MYO1B: variants seen among roughly 807,000 people sequenced by gnomAD.
The protein encoded by MYO1B is unconventional myosin-Ib.
A neutral mutation model predicts 159.7 loss-of-function variants in MYO1B; 72 were observed. The observed-to-expected ratio is 0.45, with a 90% CI of 0.37 to 0.55. The LOEUF (loss-of-function observed/expected upper bound fraction) is 0.55. Ranked by LOEUF, MYO1B falls within the 20% of genes least tolerant of loss-of-function variation. The pLI is 0.00. For synonymous variants in MYO1B, 468 were observed against 473.8 expected, an observed-to-expected ratio of 0.99 and a Z score of 0.16; for missense variants, 1,062 against 1,364.8, an observed-to-expected ratio of 0.78 and a Z score of 3.50.
At chr2:191,280,132 T>C (rs1687971476) in intron 2 of MYO1B, among the ~76,000 whole-genome samples, 1 of 152,186 alleles carries the variant, frequency 6.6e-6, no homozygotes, top group South Asian at 2.1e-4. Context: ...GAGTTACGAC[T>C]CTCTAGAACA....
rs1370667292 is a variant in MYO1B, at chr2:191,369,549, A to G, written c.1040A>G (p.Tyr347Cys). The change falls in exon 12 of 31, where the codon TAT becomes TGT. Residue 347 changes from tyrosine to cysteine, a missense_variant. Around this residue, in one of 5 missense-constraint regions of MYO1B, gnomAD observed 415 missense variants for 544.0 expected, o/e 0.76. Transcript: ENST00000392318. ...TTGTTTGTTTTTTAATAGGCTTATT[A>G]TGCCCGTGATGCTCTGGCTAAAAAC... is the stretch of plus-strand genomic sequence containing the variant. ...STTLNVAQAY[Y>C]ARDALAKNLY... The G allele has an allele frequency of 1.2e-6, 2 of 1,613,028 alleles. No individual in the cohort carries two copies. The highest frequency in any genetic ancestry group is 1.7e-6 in the Non-Finnish European group (2 of 1,179,230).
At chr2:191,400,912 A>T (rs1287474225) in intron 23 of MYO1B, 77 bp downstream of exon 23, 1 of 1,341,316 alleles carries the variant, frequency 7.5e-7, no homozygotes, top group Non-Finnish European at 1.0e-6. Flanking sequence ...CTATTAGGGG[A>T]TGAATGACTA....
intron 2 of MYO1B, among the ~76,000 whole-genome samples, chr2:191,286,692 G>A (rs867102549): frequency 1.9e-4 from 29 of 152,276 alleles, no homozygotes; most frequent in African/African-American, 7.0e-4. Flanking sequence ...CAGCACTTTG[G>A]GAGTCTGAGG....
rs781130854 is a variant in MYO1B at position 191,364,195 on chromosome 2, A to G, written c.951A>G (p.Gln317=). The change falls in exon 11 of 31, where the codon CAA becomes CAG. Residue 317 remains glutamine (Q), a synonymous_variant. Transcript: ENST00000392318. ...KEICELTGID[Q]SVLERAFSFR... ...TTTGTGAATTGACCGGCATTGATCA[A>G]TCAGTTCTAGAACGAGCATTCAGTT... is the stretch of plus-strand genomic sequence containing the variant. 3.3e-5 allele frequency: 53 copies of G among 1,613,850 alleles called. No individual in the cohort carries two copies. The highest frequency in any genetic ancestry group is 3.3e-4 in the Middle Eastern group (2 of 6,082).
At chr2:191,328,580 A>G (rs1285874933) in intron 3 of MYO1B, among the ~76,000 whole-genome samples, 1 of 152,252 alleles carries the variant, frequency 6.6e-6, no homozygotes, top group African/African-American at 2.4e-5. Flanking sequence ...CAGTTCTGGT[A>G]CATGGTAAAT....
intron 18 of MYO1B, 33 bp downstream of exon 18, chr2:191,390,525 AT>A (rs769851850): frequency 6.3e-7 from 1 of 1,592,170 alleles, no homozygotes; most frequent in African/African-American, 1.3e-5. Context: ...TTAATAATGA[AT>A]GTTTTAAGTG....
chr2:191,346,090 A>G, intron 5 of MYO1B, 146 bp from the exon 6 acceptor site: 1 of 662,324 alleles, frequency 1.5e-6, no homozygotes, highest in South Asian at 2.0e-5. Flanking sequence ...TGTTAAGTAT[A>G]TTTCTATGGA....
chr2:191,411,607 G>C lies in MYO1B; in HGVS notation c.2873+435G>C, dbSNP rs183525623. Among the ~76,000 whole-genome samples the C allele has an allele frequency of 1.3e-3, 200 of 152,332 alleles. 2 individuals carry two copies. Among genetic ancestry groups the C allele is most frequent in the Non-Finnish European group, 4.1e-4 (28 of 68,030 alleles). The stretch of plus-strand genomic sequence containing the variant: ...AAACTTATTTGTAAGGTAAATGAAA[G>C]AGCGAGCCAGGACAGTACTTTTTGA... On this transcript the variant is annotated intron_variant, in intron 27 of 30. Coordinates refer to ENST00000392318, the MANE Select transcript of MYO1B (RefSeq NM_001130158.3).
chr2:191,276,942 G>C lies in MYO1B; in HGVS notation c.47G>C (p.Gly16Ala). ...VKTSLLDNMI[G>A]VGDMVLLEPL... ...ACCTCACTTCTGGACAATATGATTG[G>C]AGTTGGGGATATGGTTCTTTTAGAA... Residue 16 changes from glycine to alanine, a missense_variant, in exon 2 of 31, where the codon GGA becomes GCA. Physicochemically the swap from Gly to Ala is moderately conservative, Grantham distance 60. Around this residue, in one of 5 missense-constraint regions of MYO1B, gnomAD observed 415 missense variants for 544.0 expected, o/e 0.76. Transcript: ENST00000392318. 1 of 1,614,032 alleles carries C rather than the reference G, an allele frequency of 6.2e-7. No individual in the cohort carries two copies. The highest frequency in any genetic ancestry group is 1.3e-5 in the African/African-American group (1 of 75,028).
At chr2:191,396,346 G>A (rs1696068930) in intron 20 of MYO1B, 83 bp from the exon 21 acceptor site, 3 of 1,428,692 alleles carry the variant, frequency 2.1e-6, no homozygotes, top group Non-Finnish European at 3.0e-6. Context: ...GTTAGACGAA[G>A]TGAGCAAATA....
At chr2:191,296,867 A>G (rs951388771) in intron 3 of MYO1B, among the ~76,000 whole-genome samples, 3 of 152,150 alleles carry the variant, frequency 2.0e-5, no homozygotes, top group African/African-American at 7.2e-5. Context: ...TACCACTACA[A>G]TTTTGTTTTC....
chr2:191,383,959 C>T (rs1275239560), intron 15 of MYO1B, among the ~76,000 whole-genome samples: 1 of 152,180 alleles, frequency 6.6e-6, no homozygotes, highest in Non-Finnish European at 1.5e-5. Flanking sequence ...CCAGAAGTGG[C>T]TTAAGTGCAG....
Position 191,370,305 on chromosome 2 carries a change from A to AT in MYO1B, c.1185+21dup, listed in dbSNP as rs751917422. ...TGAGATTTTCGAGGTAAGATTTAAA[A>AT]TTTTTTTTGTATTGTCTTTAGTAGA... On this transcript the variant is annotated intron_variant, in intron 13 of 30. Transcript: ENST00000392318. 20 of 1,601,876 alleles carry AT rather than the reference A, an allele frequency of 1.2e-5. No homozygotes were observed. The highest frequency in any genetic ancestry group is 4.4e-5 in the South Asian group (4 of 90,638).
At position 191,400,752 on chromosome 2, in the gene MYO1B, C is replaced by T. The variant is rs201158494; in HGVS notation, c.2386C>T (p.Arg796Ter). 34 of 1,613,676 alleles carry T rather than the reference C, an allele frequency of 2.1e-5. No individual in the cohort carries two copies. The highest frequency in any genetic ancestry group is 8.3e-5 in the Admixed American group (5 of 59,968). ...IAAYWHGTQARRELRRLKEEA... is the reference protein window; with the variant it reads ...IAAYWHGTQA ...CTCCTTTTCAAATGCATCACAGGCA[C>T]GAAGGGAACTGAGACGGCTGAAGGA... is the stretch of plus-strand genomic sequence containing the variant. Residue 796 changes from arginine to a stop codon, truncating the protein, a stop_gained, in exon 23 of 31, where the codon CGA (arginine) becomes TGA (stop). Transcript: ENST00000392318. LOFTEE classifies it high-confidence loss of function.
At chr2:191,281,559 C>A (rs1054549042) in intron 2 of MYO1B, among the ~76,000 whole-genome samples, 5 of 152,184 alleles carry the variant, frequency 3.3e-5, no homozygotes, top group Non-Finnish European at 7.3e-5. Context: ...GGCCTCCCCT[C>A]CCCGGCCCCC....
At chr2:191,254,160 G>C (rs567746690) in intron 1 of MYO1B, among the ~76,000 whole-genome samples, 1 of 152,132 alleles carries the variant, frequency 6.6e-6, no homozygotes, top group Non-Finnish European at 1.5e-5. Context: ...TTCCAATACA[G>C]CATAAAATAA....
At chr2:191,332,930 A>G (rs1319550139) in intron 4 of MYO1B, among the ~76,000 whole-genome samples, 1 of 152,152 alleles carries the variant, frequency 6.6e-6, no homozygotes, top group African/African-American at 2.4e-5. Flanking sequence ...TGTTTCTACT[A>G]CCTAATTTAA....
intron 1 of MYO1B, among the ~76,000 whole-genome samples, chr2:191,262,803 C>A (rs1168455389): frequency 1.3e-5 from 2 of 152,166 alleles, no homozygotes; most frequent in Non-Finnish European, 2.9e-5. Flanking sequence ...CTTTAAACTT[C>A]TTTTCTGCTT....
rs533804187 is a variant in MYO1B, at chr2:191,369,577, C to T, written c.1068C>T (p.Leu356=). 1.2e-6 allele frequency: 2 copies of T among 1,613,514 alleles called. No homozygotes were observed. The highest frequency in any genetic ancestry group is 1.7e-6 in the Non-Finnish European group (2 of 1,179,636). Reference sequence around the variant, plus strand: ...CCCGTGATGCTCTGGCTAAAAACCTCTACAGCAGGTTGTTTTCATGGTTGG... The same window carrying T: ...CCCGTGATGCTCTGGCTAAAAACCTTTACAGCAGGTTGTTTTCATGGTTGG... The part of the protein sequence containing the change: ...YYARDALAKN[L]YSRLFSWLVN... The change falls in exon 12 of 31, where the codon CTC becomes CTT. Residue 356 remains leucine (L), a synonymous_variant. Transcript: ENST00000392318.
Sources: allele counts gnomAD v4.1 joint callset (sites outside exome capture counted in the v4.1 genomes callset), GRCh38; gene constraint gnomAD v4.1.1; regional missense constraint gnomAD v4.1.1; transcripts MANE v1.5; gene names NCBI Gene and HGNC (gene_info 2026-07-23, HGNC 2026-07-21).